ELF1: variants seen among roughly 807,000 people sequenced by gnomAD.
The protein encoded by ELF1 is ETS-related transcription factor Elf-1.
In ELF1, 24 loss-of-function variants were observed where a neutral mutation model predicts 59.9. The ratio of observed to expected loss-of-function variants is 0.40; its 90% CI spans 0.29 to 0.56. The LOEUF is 0.56. ELF1 is among the 20% of genes least tolerant of loss of function. The pLI, the probability that ELF1 is intolerant of heterozygous loss-of-function variation, is 0.44. For synonymous variants in ELF1, 248 were observed against 266.2 expected (o/e 0.93, Z 0.67); for missense variants, 627 against 742.2 (o/e 0.84, Z 1.80).
At chr13:41,044,440 A>G (rs1257986612) in intron 1 of ELF1, among the ~76,000 whole-genome samples, 2 of 152,200 alleles carry the variant, frequency 1.3e-5, no homozygotes, top group Non-Finnish European at 2.9e-5. Context: ...TGTCATAAAT[A>G]GCTCTTACTA....
chr13:40,957,926 T>C (rs897773834), intron 3 of ELF1, among the ~76,000 whole-genome samples: 3 of 152,242 alleles, frequency 2.0e-5, no homozygotes, highest in Admixed American at 2.0e-4. Flanking sequence ...TACTATTCAG[T>C]TCTAAGGCAT....
intron 1 of ELF1, among the ~76,000 whole-genome samples, chr13:41,016,952 A>T (rs957595824): frequency 1.5e-5 from 1 of 67,752 alleles, no homozygotes; most frequent in African/African-American, 5.0e-5. Context: ...AAAAAAATAT[A>T]TATATATATA....
intron 1 of ELF1, among the ~76,000 whole-genome samples, chr13:41,041,276 A>C (rs935857258): frequency 6.6e-6 from 1 of 151,962 alleles, no homozygotes; most frequent in African/African-American, 2.4e-5. Flanking sequence ...AAAAAAAAAA[A>C]AAACCTATTA....
chr13:41,024,764 CT>C (rs1336070036), intron 1 of ELF1, among the ~76,000 whole-genome samples: 2 of 152,146 alleles, frequency 1.3e-5, no homozygotes. Context: ...TGTTAACCTA[CT>C]ATTCAATAAT....
rs1427424247 is a variant in ELF1 at position 40,933,746 on chromosome 13, C to T, written c.1539G>A (p.Gln513=). Residue 513 remains glutamine (Q), a synonymous_variant, in exon 9 of 9, where the codon CAG becomes CAA. Coordinates refer to ENST00000239882, the MANE Select transcript of ELF1 (RefSeq NM_172373.4). ...QVQQVLTSNV[Q]TICNGTVSVA... is the part of the protein sequence containing the mutation. The stretch of plus-strand genomic sequence containing the variant: ...CACTGACGGTTCCATTGCAAATGGT[C>T]TGAACATTGCTAGTAAGGACCTGCT... The T allele has an allele frequency of 6.2e-7, 1 of 1,614,152 alleles. No homozygotes were observed. Among genetic ancestry groups the T allele is most frequent in the East Asian group, 2.2e-5 (1 of 44,906 alleles).
intron 1 of ELF1, among the ~76,000 whole-genome samples, chr13:41,057,056 G>A (rs184036303): frequency 4.6e-5 from 7 of 152,160 alleles, no homozygotes; most frequent in Admixed American, 3.3e-4. Context: ...TAAGGTCTTC[G>A]GATTTTAGCT....
intron 1 of ELF1, among the ~76,000 whole-genome samples, chr13:41,028,350 T>C (rs1230806539): frequency 2.0e-5 from 3 of 152,256 alleles, no homozygotes; most frequent in Admixed American, 6.5e-5. Context: ...TGTATTATCA[T>C]GCCCTTTAAA....
chr13:40,956,492 A>ACTTATCTGCT (rs2138187611), intron 3 of ELF1, among the ~76,000 whole-genome samples: 1 of 147,372 alleles, frequency 6.8e-6, no homozygotes, highest in African/African-American at 2.5e-5. Context: ...ACTTATCTGC[A>ACTTATCTGCT]CTTATCTGCT....
intron 2 of ELF1, among the ~76,000 whole-genome samples, chr13:40,980,784 A>C (rs1873213842): frequency 6.6e-6 from 1 of 152,142 alleles, no homozygotes; most frequent in South Asian, 2.1e-4. Context: ...CTTAAACCAA[A>C]TTCAAAACAC....
intron 3 of ELF1, among the ~76,000 whole-genome samples, chr13:40,955,732 C>G (rs1294550828): frequency 3.2e-5 from 4 of 124,992 alleles, no homozygotes; most frequent in African/African-American, 1.2e-4. Flanking sequence ...GCGGGGAGGT[C>G]AGCCCCCCGC....
intron 2 of ELF1, among the ~76,000 whole-genome samples, chr13:40,960,665 T>C (rs1226498577): frequency 6.6e-6 from 1 of 152,214 alleles, no homozygotes; most frequent in Non-Finnish European, 1.5e-5. Context: ...CTCGAACTCC[T>C]GGGTTCAAGT....
intron 2 of ELF1, among the ~76,000 whole-genome samples, chr13:40,976,741 T>C (rs1872930739): frequency 6.6e-6 from 1 of 152,130 alleles, no homozygotes; most frequent in African/African-American, 2.4e-5. Flanking sequence ...GGTTTCTCCA[T>C]GTTGGTCAGG....
chr13:41,002,753 A>G (rs1874535194), intron 1 of ELF1, among the ~76,000 whole-genome samples: 1 of 152,206 alleles, frequency 6.6e-6, no homozygotes, highest in African/African-American at 2.4e-5. Context: ...GACTTTCCCT[A>G]CAGGCGCTTA....
chr13:40,991,359 C>T (rs1360749332), intron 1 of ELF1, among the ~76,000 whole-genome samples: 1 of 152,180 alleles, frequency 6.6e-6, no homozygotes, highest in Non-Finnish European at 1.5e-5. Flanking sequence ...TTTCTATTTA[C>T]AGTTTTTCTG....
At chr13:40,957,357 C>T (rs1258688664) in intron 3 of ELF1, among the ~76,000 whole-genome samples, 1 of 133,480 alleles carries the variant, frequency 7.5e-6, no homozygotes, top group Non-Finnish European at 1.6e-5. Context: ...ATTCAGGACC[C>T]AAAAGGGCAC....
intron 2 of ELF1, among the ~76,000 whole-genome samples, chr13:40,975,680 G>A (rs1448054992): frequency 6.6e-6 from 1 of 152,168 alleles, no homozygotes; most frequent in Non-Finnish European, 1.5e-5. Context: ...AATAGGTCCT[G>A]GGAAAATGTA....
At chr13:41,022,297 A>G (rs529409276), upstream of ELF1, among the ~76,000 whole-genome samples, 8 of 152,332 alleles carry the variant, frequency 5.3e-5, no homozygotes, top group South Asian at 1.7e-3. Flanking sequence ...TAGGCTGAAC[A>G]AAATAAGACT....
intron 1 of ELF1, among the ~76,000 whole-genome samples, chr13:40,989,034 G>C (rs1273477065): frequency 1.3e-5 from 2 of 152,202 alleles, no homozygotes; most frequent in South Asian, 2.1e-4. Context: ...CTGAGCTCAA[G>C]TGATCTGCCC....
chr13:41,032,659 G>A (rs1018759887), intron 1 of ELF1, among the ~76,000 whole-genome samples: 3 of 152,024 alleles, frequency 2.0e-5, no homozygotes, highest in African/African-American at 7.2e-5. Flanking sequence ...AGACCAGCCT[G>A]GGCAACACAG....
Sources: gnomAD v4.1 joint callset for allele counts (sites outside exome capture counted in the v4.1 genomes callset) on GRCh38, gnomAD v4.1.1 for gene constraint, MANE v1.5 for transcripts, NCBI Gene and HGNC (gene_info 2026-07-23, HGNC 2026-07-21) for gene names.